C10orf90: variants seen among roughly 807,000 people sequenced by gnomAD.
C10orf90 encodes (E2-independent) E3 ubiquitin-conjugating enzyme FATS.
Under a neutral mutation model 62.5 loss-of-function variants are expected in C10orf90, and 56 were observed. The ratio of observed to expected loss-of-function variants is 0.90; its 90% CI spans 0.72 to 1.12. C10orf90 has a LOEUF of 1.12. C10orf90 is among the 50% of genes most tolerant of loss of function. C10orf90 has a pLI of 0.00. For synonymous variants in C10orf90, 386 were observed against 340.4 expected, an observed-to-expected ratio of 1.13 and a Z score of -1.47; for missense variants, 970 against 880.4, an observed-to-expected ratio of 1.10 and a Z score of -1.29.
chr10:126,446,940 A>G (rs922024714), intron 7 of C10orf90, among the ~76,000 whole-genome samples: 1 of 152,188 alleles, frequency 6.6e-6, no homozygotes, highest in Non-Finnish European at 1.5e-5. Flanking sequence ...TTAAGTTGTT[A>G]TCAGCTTAAA....
At chr10:126,614,816 G>A (rs1466459090) in intron 2 of C10orf90, among the ~76,000 whole-genome samples, 1 of 152,128 alleles carries the variant, frequency 6.6e-6, no homozygotes, top group Non-Finnish European at 1.5e-5. Flanking sequence ...GGATAACATG[G>A]GAGATTATCT....
At chr10:126,613,487 C>G (rs967366189) in intron 2 of C10orf90, among the ~76,000 whole-genome samples, 2 of 152,164 alleles carry the variant, frequency 1.3e-5, no homozygotes, top group Admixed American at 1.3e-4. Flanking sequence ...CTCAAGCAAT[C>G]CTCCCACCTG....
chr10:126,504,725 C>A lies in C10orf90; in HGVS notation c.766G>T (p.Ala256Ser). 1 of 1,605,148 alleles carries A rather than the reference C, an allele frequency of 6.2e-7. No homozygotes were observed. Among genetic ancestry groups the A allele is most frequent in the Non-Finnish European group, 8.5e-7 (1 of 1,174,730 alleles). The change falls in exon 4 of 10, where the codon GCT (alanine) becomes TCT (serine). Residue 256 changes from alanine (A) to serine (S), a missense_variant. Physicochemically the swap from Ala to Ser is moderately conservative, Grantham distance 99. Transcript: ENST00000488181. The surrounding 1 kb of genome is among the most constrained non-coding windows in gnomAD (Gnocchi z 4.1). ...PPARALVWGTAGDSLCPKCRA... is the reference protein window; with the variant it reads ...PPARALVWGTSGDSLCPKCRA... Reference sequence around the variant, plus strand: ...CACTTGGGGCACAGAGAGTCCCCAGCAGTCCCCCACACCAGGGCGCGGGCT... The same window carrying A: ...CACTTGGGGCACAGAGAGTCCCCAGAAGTCCCCCACACCAGGGCGCGGGCT...
At chr10:126,657,019 C>T (rs1005538952) in intron 1 of C10orf90, among the ~76,000 whole-genome samples, 2 of 152,160 alleles carry the variant, frequency 1.3e-5, no homozygotes, top group African/African-American at 4.8e-5. Context: ...GGCATTCATA[C>T]TTTGTGTTCT....
intron 2 of C10orf90, among the ~76,000 whole-genome samples, chr10:126,540,090 A>C (rs183494577): frequency 2.6e-5 from 4 of 152,232 alleles, no homozygotes; most frequent in Admixed American, 2.6e-4. Flanking sequence ...TCAATTAGAA[A>C]ATATCAGGAG....
At chr10:126,552,116 TA>T (rs1257730040) in intron 2 of C10orf90, among the ~76,000 whole-genome samples, 1 of 152,224 alleles carries the variant, frequency 6.6e-6, no homozygotes, top group East Asian at 1.9e-4. Flanking sequence ...GTTAATCTTT[TA>T]TTGATAGAGC....
intron 2 of C10orf90, among the ~76,000 whole-genome samples, chr10:126,629,658 T>C (rs965091797): frequency 6.6e-6 from 1 of 152,242 alleles, no homozygotes; most frequent in East Asian, 1.9e-4. Context: ...CCAGGAAACC[T>C]GAAGCTCACA....
intron 4 of C10orf90, chr10:126,470,049 GAGA>G (rs771364245): frequency 7.7e-5 from 35 of 456,224 alleles, no homozygotes; most frequent in Non-Finnish European, 3.5e-5. Context: ...GCATGCTGCA[GAGA>G]AGGAGGGAAG....
Position 126,495,669 on chromosome 10 carries a change from T to C in C10orf90, c.1534+8288A>G, listed in dbSNP as rs567854048. On this transcript the variant is annotated intron_variant, in intron 4 of 9. Transcript: ENST00000488181. ...GAAAATCACATTTTACAGAAAGATA[T>C]GGACTTTGCTTTAAGATTATTAGGA... is the stretch of plus-strand genomic sequence containing the variant. Among the ~76,000 whole-genome samples, 4 of 152,336 alleles carry C rather than the reference T, an allele frequency of 2.6e-5. No individual in the cohort carries two copies. The South Asian group carries it at 8.3e-4, about 32-fold the overall frequency.
chr10:126,530,259 A>T (rs983184243), intron 2 of C10orf90, among the ~76,000 whole-genome samples: 1 of 152,170 alleles, frequency 6.6e-6, no homozygotes. Context: ...TGGAAACAGA[A>T]AATAATCAAT....
At chr10:126,505,697 G>C (rs1862691631) in intron 3 of C10orf90, among the ~76,000 whole-genome samples, 1 of 152,204 alleles carries the variant, frequency 6.6e-6, no homozygotes, top group South Asian at 2.1e-4. Flanking sequence ...GCTCACACTT[G>C]TAATCCCAGC....
At chr10:126,586,661 G>T (rs1013564017) in intron 2 of C10orf90, among the ~76,000 whole-genome samples, 4 of 152,112 alleles carry the variant, frequency 2.6e-5, no homozygotes, top group Non-Finnish European at 5.9e-5. Flanking sequence ...CAAAAGTTAG[G>T]AAAAAGAAGT....
chr10:126,446,582 A>G (rs1858799986), intron 7 of C10orf90, among the ~76,000 whole-genome samples: 1 of 152,182 alleles, frequency 6.6e-6, no homozygotes, highest in Non-Finnish European at 1.5e-5. Flanking sequence ...AAAAAAAACA[A>G]AAGCTAAGGG....
At chr10:126,657,590 A>G (rs1846420510) in intron 1 of C10orf90, among the ~76,000 whole-genome samples, 1 of 151,224 alleles carries the variant, frequency 6.6e-6, no homozygotes, top group African/African-American at 2.4e-5. Flanking sequence ...CACCATCTTG[A>G]AAATTTTAAT....
chr10:126,537,916 G>T (rs1864276310), intron 2 of C10orf90, among the ~76,000 whole-genome samples: 1 of 152,164 alleles, frequency 6.6e-6, no homozygotes. Context: ...GTTAGAGTGG[G>T]CCCTAACCCA....
intron 2 of C10orf90, among the ~76,000 whole-genome samples, chr10:126,631,626 G>A (rs1294806544): frequency 1.3e-5 from 2 of 151,948 alleles, no homozygotes; most frequent in African/African-American, 4.8e-5. Flanking sequence ...AGTTCCTGGT[G>A]CATAGGAAGT....
chr10:126,566,335 G>A (rs1844389271), intron 2 of C10orf90, among the ~76,000 whole-genome samples: 1 of 152,218 alleles, frequency 6.6e-6, no homozygotes, highest in Admixed American at 6.5e-5. Context: ...GTCAGGCACT[G>A]TGCTAAGTCC....
intron 2 of C10orf90, among the ~76,000 whole-genome samples, chr10:126,540,715 G>A (rs1430098537): frequency 6.6e-6 from 1 of 151,026 alleles, no homozygotes; most frequent in Non-Finnish European, 1.5e-5. Context: ...AACATACAAT[G>A]AGAGAGGACT....
intron 2 of C10orf90, among the ~76,000 whole-genome samples, chr10:126,641,624 C>T (rs1027434776): frequency 6.6e-6 from 1 of 151,954 alleles, no homozygotes; most frequent in Non-Finnish European, 1.5e-5. Context: ...GCCCTCAATC[C>T]ATAGACCAAG....
Sources: gnomAD v4.1 joint callset for allele counts (sites outside exome capture counted in the v4.1 genomes callset) on GRCh38, gnomAD v4.1.1 for gene constraint, Gnocchi (gnomAD v3.1) non-coding constraint, MANE v1.5 for transcripts, NCBI Gene and HGNC (gene_info 2026-07-23, HGNC 2026-07-21) for gene names.